Variants in TRPV2 observed in about 807,000 individuals in gnomAD.
TRPV2 encodes transient receptor potential cation channel subfamily V member 2, also known as OTRPC2.
A neutral mutation model predicts 91.0 loss-of-function variants in TRPV2; 58 were observed. That is an observed-to-expected ratio of 0.64 (90% CI 0.52 to 0.79). TRPV2 has a LOEUF of 0.79. Among genes scored for constraint, TRPV2 ranks in the 30% least tolerant of loss-of-function variants. The pLI is 0.00. For synonymous variants in TRPV2, 417 were observed against 414.8 expected, an observed-to-expected ratio of 1.01 and a Z score of -0.06; for missense variants, 807 against 969.6, an observed-to-expected ratio of 0.83 and a Z score of 2.23.
intron 4 of TRPV2, among the ~76,000 whole-genome samples, chr17:16,423,117 C>G (rs77178574): frequency 6.6e-6 from 1 of 152,236 alleles, no homozygotes; most frequent in Non-Finnish European, 1.5e-5. Flanking sequence ...CGAGCTGGGG[C>G]TACAAGTGTG....
chr17:16,418,901 T>A (rs2093343442), intron 2 of TRPV2, among the ~76,000 whole-genome samples: 1 of 152,042 alleles, frequency 6.6e-6, no homozygotes, highest in South Asian at 2.1e-4. Context: ...TGGCTGTAAT[T>A]ACAGTCATAG....
chr17:16,417,864 G>A lies in TRPV2; in HGVS notation c.196G>A (p.Ala66Thr). 6.2e-7 allele frequency: 1 copy of A among 1,613,898 alleles called. No individual in the cohort carries two copies. Among genetic ancestry groups the A allele is most frequent in the Non-Finnish European group, 8.5e-7 (1 of 1,179,870 alleles). The change falls in exon 2 of 15, where the codon GCC becomes ACC. Residue 66 changes from alanine (A) to threonine (T), a missense_variant. Physicochemically the swap from Ala to Thr is moderately conservative, Grantham distance 58. Transcript: ENST00000338560. ...CCTCAACTACCGAAAGGGAACAGGT[G>A]CCAGGTGAGACAGCAAGTGGGGGCA... Reference protein sequence around the residue: ...VNLNYRKGTGASQPDPNRFDR... With the variant: ...VNLNYRKGTGTSQPDPNRFDR...
At chr17:16,430,673 G>A (rs2093405696) in intron 10 of TRPV2, among the ~76,000 whole-genome samples, 1 of 151,984 alleles carries the variant, frequency 6.6e-6, no homozygotes. Context: ...TTTTAGTAGA[G>A]ACGGAGTTTT....
intron 2 of TRPV2, 73 bp downstream of exon 2, chr17:16,417,941 C>T (rs2048350382): frequency 1.4e-6 from 2 of 1,412,828 alleles, no homozygotes; most frequent in South Asian, 1.3e-5. Context: ...GAGTGAGACT[C>T]ATTGACTAGT....
rs549676530 is a variant in TRPV2, at chr17:16,420,120, C to T, written c.206C>T (p.Pro69Leu). 10 of 1,612,528 alleles carry T rather than the reference C, an allele frequency of 6.2e-6. No individual in the cohort carries two copies. The highest frequency in any genetic ancestry group is 5.0e-5 in the Admixed American group (3 of 59,978). Reference protein sequence around the residue: ...NYRKGTGASQPDPNRFDRDRL... With the variant: ...NYRKGTGASQLDPNRFDRDRL... ...ACAAACCACATCCTCCACAGTCAGC[C>T]GGATCCAAACCGATTTGACCGAGAT... Residue 69 changes from proline to leucine, a missense_variant, in exon 3 of 15, where the codon CCG (proline) becomes CTG (leucine). Physicochemically the swap from Pro to Leu is moderately conservative, Grantham distance 98 (BLOSUM62 -3). Transcript: ENST00000338560.
chr17:16,434,986 C>G lies in TRPV2; in HGVS notation c.2194+17C>G, dbSNP rs776870659. ...GTGTCCCTCGTGAGTAGCCTGGTGA[C>G]TAGAGCCTCTGCCCTGGGGTGTGTG... On this transcript the variant is annotated intron_variant, in intron 14 of 14. Coordinates refer to ENST00000338560, the MANE Select transcript of TRPV2 (RefSeq NM_016113.5). The G allele has an allele frequency of 6.2e-7, 1 of 1,604,642 alleles. No individual in the cohort carries two copies.
At chr17:16,428,631 C>T in intron 9 of TRPV2, 186 bp from the exon 10 acceptor site, 1 of 724,522 alleles carries the variant, frequency 1.4e-6, no homozygotes, top group Non-Finnish European at 2.3e-6. Context: ...TCACTTAGTC[C>T]TTGAAAACAC....
intron 5 of TRPV2, among the ~76,000 whole-genome samples, chr17:16,425,777 A>G (rs1258080645): frequency 6.6e-6 from 1 of 152,208 alleles, no homozygotes; most frequent in Non-Finnish European, 1.5e-5. Context: ...AGATACAGCT[A>G]GTAGACTCTG....
At chr17:16,431,277 ATATATATATACATATT>A (rs1428072092) in intron 10 of TRPV2, among the ~76,000 whole-genome samples, 27 of 75,738 alleles carry the variant, frequency 3.6e-4, no homozygotes, top group African/African-American at 1.5e-3. Flanking sequence ...ATATATATAT[ATATATATATACATATT>A]TTTTTTTTTT....
In TRPV2 at chr17:16,436,953, C is replaced by T; in HGVS notation, c.*64C>T. On this transcript the variant is annotated 3_prime_UTR_variant, in exon 15 of 15. Transcript: ENST00000338560. ...GGATCTTTCCAACCACATCTGCTGG[C>T]TCTGGGGTCCCAGTGAATTCTGGTG... 7.8e-7 allele frequency: 1 copy of T among 1,284,364 alleles called. No homozygotes were observed. The highest frequency in any genetic ancestry group is 1.1e-6 in the Non-Finnish European group (1 of 887,160). 79.6% of individuals were successfully genotyped at this position (1,284,364 alleles called of 1,614,324 possible).
intron 3 of TRPV2, 84 bp from the exon 4 acceptor site, chr17:16,422,515 G>A (rs1179257681): frequency 7.1e-7 from 1 of 1,412,770 alleles, no homozygotes; most frequent in Non-Finnish European, 9.7e-7. Flanking sequence ...GGTACTTTGA[G>A]CTGGGCTTAT....
At position 16,435,288 on chromosome 17, in the gene TRPV2, G is replaced by A. The variant is rs949041819; in HGVS notation, c.2194+319G>A. ...TTTGCCCATTCAATTGGTTATCGAG[G>A]GTCTGTCCCCAGCCAGGCCTGGGCT... On this transcript the variant is annotated intron_variant, in intron 14 of 14. Coordinates refer to ENST00000338560, the MANE Select transcript of TRPV2 (RefSeq NM_016113.5). The surrounding 1 kb of genome is among the most constrained non-coding windows in gnomAD (Gnocchi z 4.2). Among the ~76,000 whole-genome samples the A allele has an allele frequency of 2.6e-5, 4 of 152,112 alleles. No individual in the cohort carries two copies. Among genetic ancestry groups the A allele is most frequent in the African/African-American group, 4.8e-5 (2 of 41,410 alleles).
intron 12 of TRPV2, chr17:16,433,154 G>A (rs1488009496): frequency 1.2e-5 from 2 of 165,856 alleles, no homozygotes; most frequent in African/African-American, 4.8e-5. Flanking sequence ...TCTCCTCTGA[G>A]CCTTGGTGCC....
chr17:16,417,898 G>T (rs748245995), intron 2 of TRPV2, 30 bp downstream of exon 2: 21 of 1,601,862 alleles, frequency 1.3e-5, no homozygotes, highest in Non-Finnish European at 1.8e-5. Flanking sequence ...CAGGGCAAAG[G>T]GGGCCCCCTG....
At chr17:16,422,322 CAA>C (rs5819570) in intron 3 of TRPV2, among the ~76,000 whole-genome samples, 36 of 92,762 alleles carry the variant, frequency 3.9e-4, no homozygotes, top group Non-Finnish European at 3.9e-4. Flanking sequence ...GACTCTGTCT[CAA>C]AAAAAAAAAA....
rs2093436315 is a variant in TRPV2, at chr17:16,436,931, T to G, written c.*42T>G. 6.6e-7 allele frequency: 1 copy of G among 1,507,952 alleles called. No individual in the cohort carries two copies. Among genetic ancestry groups the G allele is most frequent in the African/African-American group, 1.4e-5 (1 of 72,596 alleles). The allele number at this position is 1,507,952 out of a possible 1,614,324, so 93.4% of individuals were successfully genotyped here. A position where few individuals can be genotyped will look rare whatever the true frequency, so the allele number is the denominator to read the frequency against. ...GGAGGCCAGAGGACAGAGCAGAGGA[T>G]CTTTCCAACCACATCTGCTGGCTCT... On this transcript the variant is annotated 3_prime_UTR_variant, in exon 15 of 15. Coordinates refer to ENST00000338560, the MANE Select transcript of TRPV2 (RefSeq NM_016113.5).
At position 16,435,250 on chromosome 17, in the gene TRPV2, G is replaced by C. The variant is rs2093430428; in HGVS notation, c.2194+281G>C. Among the ~76,000 whole-genome samples the C allele has an allele frequency of 6.6e-6, 1 of 152,184 alleles. No homozygotes were observed. The highest frequency in any genetic ancestry group is 2.4e-5 in the African/African-American group (1 of 41,436). ...TCTGGCTGCCCTCTCTCTGATGCCAGTCAGTCACACCCTTTGCCCATTCAA... is the reference window on the plus strand; with the variant it reads ...TCTGGCTGCCCTCTCTCTGATGCCACTCAGTCACACCCTTTGCCCATTCAA... On this transcript the variant is annotated intron_variant, in intron 14 of 14. Transcript: ENST00000338560. The surrounding 1 kb of genome is among the most constrained non-coding windows in gnomAD (Gnocchi z 4.2).
At chr17:16,422,322 C>CAAAAAAAAAAAAAAAGAAAA (rs2093361713) in intron 3 of TRPV2, among the ~76,000 whole-genome samples, 1 of 92,772 alleles carries the variant, frequency 1.1e-5, no homozygotes, top group Non-Finnish European at 2.2e-5. Context: ...GACTCTGTCT[C>CAAAAAAAAAAAAAAAGAAAA]AAAAAAAAAA....
In TRPV2 at chr17:16,422,888, C is replaced by G. The variant is rs931048971; in HGVS notation, c.624C>G (p.Phe208Leu). 6.4e-7 allele frequency: 1 copy of G among 1,558,646 alleles called. No individual in the cohort carries two copies. Residue 208 changes from phenylalanine to leucine, a missense_variant and splice_region_variant, in exon 4 of 15, where the codon TTC becomes TTG. Phe to Leu is a conservative substitution (Grantham distance 22). Coordinates refer to ENST00000338560, the MANE Select transcript of TRPV2 (RefSeq NM_016113.5). ...FQKGQGTCFY[F>L]GELPLSLAAC... ...AGGGCCAAGGGACTTGCTTTTATTT[C>G]GGTGAGTGAGCCTTTCTTGGATAAA...
Sources: gnomAD v4.1 joint callset for allele counts (sites outside exome capture counted in the v4.1 genomes callset) on GRCh38, gnomAD v4.1.1 for gene constraint, Gnocchi (gnomAD v3.1) non-coding constraint, MANE v1.5 for transcripts, NCBI Gene and HGNC (gene_info 2026-07-23, HGNC 2026-07-21) for gene names.